Variants in HLF observed in about 807,000 individuals in gnomAD.
HLF encodes the protein hepatic leukemia factor.
HLF carries 3 observed loss-of-function variants against 22.6 expected under a neutral mutation model. That is an observed-to-expected ratio of 0.13 (90% CI 0.06 to 0.34). The LOEUF (loss-of-function observed/expected upper bound fraction) is 0.34, where lower values mean the gene tolerates loss of function less well. HLF is among the 10% of genes least tolerant of loss of function. The probability of loss-of-function intolerance (pLI) is 1.00; values close to 1 mark genes in which losing one functional copy is unlikely to be tolerated. For missense variants in HLF, 299 were observed against 389.2 expected (o/e 0.77, Z 1.95); for synonymous variants, 151 against 151.8 (o/e 0.99, Z 0.04).
intron 2 of HLF, among the ~76,000 whole-genome samples, chr17:55,277,154 T>C (rs1281859935): frequency 2.6e-5 from 4 of 152,134 alleles, no homozygotes; most frequent in Non-Finnish European, 5.9e-5. Context: ...TAAACCCAAC[T>C]CATTAACGTT....
rs562129845 is a variant in HLF at position 55,270,684 on chromosome 17, G to A, written c.451+2598G>A. ...TTTTTTTTTTTTTTTTTTTTGAGAC[G>A]GAGTCTCGCTCTGTCGCCCAGGCTG... is the stretch of plus-strand genomic sequence containing the variant. On this transcript the variant is annotated intron_variant, in intron 2 of 3. Coordinates refer to ENST00000226067, the MANE Select transcript of HLF (RefSeq NM_002126.5). Among the ~76,000 whole-genome samples, 871 of 144,980 alleles carry A rather than the reference G, an allele frequency of 6.0e-3. 5 individuals are homozygous for A. The highest frequency in any genetic ancestry group is 0.021 in the African/African-American group (819 of 38,198).
intron 2 of HLF, among the ~76,000 whole-genome samples, chr17:55,286,820 A>G (rs2081008104): frequency 1.3e-5 from 2 of 152,220 alleles, no homozygotes; most frequent in East Asian, 3.8e-4. Context: ...CAAGACTTAC[A>G]GAAACTTTTC....
chr17:55,299,737 G>A lies in HLF; in HGVS notation c.452-15490G>A, dbSNP rs533319082. 3.3e-5 allele frequency among the ~76,000 whole-genome samples: 5 copies of A among 151,214 alleles called. No individual in the cohort carries two copies. In the East Asian group the frequency reaches 5.8e-4, roughly 18 times the overall value. On this transcript the variant is annotated intron_variant, in intron 2 of 3. Transcript: ENST00000226067. Reference sequence around the variant, plus strand: ...CTACAAGCACGTGCCACCATGCCTCGCTAATTTTTTGAAAAATATTTTTTA... The same window carrying A: ...CTACAAGCACGTGCCACCATGCCTCACTAATTTTTTGAAAAATATTTTTTA...
chr17:55,304,984 G>GT (rs1426116007), intron 2 of HLF, among the ~76,000 whole-genome samples: 1 of 152,246 alleles, frequency 6.6e-6, no homozygotes, highest in Admixed American at 6.5e-5. Flanking sequence ...TCAGGCCAGA[G>GT]TGGGAGCATT....
chr17:55,268,001 G>C lies in HLF; in HGVS notation c.366G>C (p.Ser122=), dbSNP rs375082103. Residue 122 remains serine, a synonymous_variant, in exon 2 of 4, where the codon TCG becomes TCC. Transcript: ENST00000226067. ...AGCCAGCTTCCTCGGCTGCCCCCTCGGTCATGGACCTCAGCAGCCGGGCCT... is the reference window on the plus strand; with the variant it reads ...AGCCAGCTTCCTCGGCTGCCCCCTCCGTCATGGACCTCAGCAGCCGGGCCT... ...GLQPASSAAP[S]VMDLSSRASA... is the part of the protein sequence containing the mutation. The C allele has an allele frequency of 3.1e-6, 5 of 1,613,486 alleles. No individual in the cohort carries two copies. In the African/African-American group the frequency reaches 6.7e-5, roughly 22 times the overall value.
At chr17:55,280,453 C>T (rs372978183) in intron 2 of HLF, among the ~76,000 whole-genome samples, 11 of 152,368 alleles carry the variant, frequency 7.2e-5, no homozygotes, top group East Asian at 3.9e-4. Flanking sequence ...CTTCCATCTC[C>T]ATATGCCCTG....
Position 55,321,860 on chromosome 17 carries a change from G to A in HLF, c.*981G>A. On this transcript the variant is annotated 3_prime_UTR_variant, in exon 4 of 4. Coordinates refer to ENST00000226067, the MANE Select transcript of HLF (RefSeq NM_002126.5). The stretch of plus-strand genomic sequence containing the variant: ...TGACATTGATGTGTTCGGTTTTGTT[G>A]TTCCCCTTCCCTCACACCCTGCCTC... The A allele has an allele frequency of 4.3e-6, 1 of 232,158 alleles. No homozygotes were observed. Among genetic ancestry groups the A allele is most frequent in the East Asian group, 6.1e-5 (1 of 16,300 alleles). 14.4% of individuals were successfully genotyped at this position (232,158 alleles called of 1,614,324 possible).
chr17:55,284,723 G>T (rs1455054000), intron 2 of HLF, among the ~76,000 whole-genome samples: 1 of 152,138 alleles, frequency 6.6e-6, no homozygotes, highest in Admixed American at 6.5e-5. Context: ...TTCCTGAGAG[G>T]TTCAGAAGTT....
At chr17:55,271,503 T>C (rs2080857728) in intron 2 of HLF, 1 of 152,180 alleles carries the variant, frequency 6.6e-6, no homozygotes, top group African/African-American at 2.4e-5. Context: ...TGAGCATTCT[T>C]GTGAATATTT....
At chr17:55,293,248 AT>A (rs1015951226) in intron 2 of HLF, among the ~76,000 whole-genome samples, 9 of 119,960 alleles carry the variant, frequency 7.5e-5, no homozygotes, top group African/African-American at 3.0e-4. Context: ...TAATATATAC[AT>A]TTTTTTAATT....
chr17:55,308,416 A>AT (rs1319585290), intron 2 of HLF, among the ~76,000 whole-genome samples: 5 of 152,210 alleles, frequency 3.3e-5, no homozygotes, highest in Non-Finnish European at 7.4e-5. Flanking sequence ...TATCTAGTTC[A>AT]TTTTTCACAT....
At chr17:55,267,450 A>G (rs2080802969) in intron 1 of HLF, 1 of 273,744 alleles carries the variant, frequency 3.7e-6, no homozygotes, top group East Asian at 6.7e-5. Context: ...GGTTTAAGTT[A>G]TTACTCTTCT....
intron 2 of HLF, among the ~76,000 whole-genome samples, chr17:55,282,259 C>G (rs934693054): frequency 1.3e-5 from 2 of 152,142 alleles, no homozygotes; most frequent in African/African-American, 2.4e-5. Context: ...GTCTTGCTTC[C>G]AGGTTTTTGA....
At chr17:55,316,965 G>GTTTT (rs35293604) in intron 3 of HLF, among the ~76,000 whole-genome samples, 83 of 107,098 alleles carry the variant, frequency 7.7e-4, no homozygotes, top group East Asian at 7.0e-3. Context: ...TTTTTATGGT[G>GTTTT]TTTTTTTTTT....
In HLF at chr17:55,323,938, C is replaced by T. The variant is rs1186082273; in HGVS notation, c.*3059C>T. On this transcript the variant is annotated 3_prime_UTR_variant, in exon 4 of 4. Transcript: ENST00000226067. ...ATTTGGAAGGAACAGCTTAGGACCT[C>T]CTGATGAGGTCACATTGTTGTTTCT... The T allele has an allele frequency of 4.4e-6, 1 of 229,040 alleles. No homozygotes were observed. The highest frequency in any genetic ancestry group is 8.7e-6 in the Non-Finnish European group (1 of 115,544). The allele number at this position is 229,040 out of a possible 1,614,324, so 14.2% of individuals were successfully genotyped here. A position where few individuals can be genotyped will look rare whatever the true frequency, so the allele number is the denominator to read the frequency against.
chr17:55,300,649 T>C (rs1324536584), intron 2 of HLF, among the ~76,000 whole-genome samples: 1 of 152,174 alleles, frequency 6.6e-6, no homozygotes, highest in Non-Finnish European at 1.5e-5. Context: ...TGCTCTCTCC[T>C]CCTCTTTCCC....
chr17:55,269,119 G>A (rs955676780), intron 2 of HLF, among the ~76,000 whole-genome samples: 2 of 152,148 alleles, frequency 1.3e-5, no homozygotes, highest in Non-Finnish European at 2.9e-5. Context: ...CCGTGTCCTC[G>A]ACTCTTGTAG....
intron 3 of HLF, among the ~76,000 whole-genome samples, chr17:55,316,576 A>C (rs562598551): frequency 1.3e-5 from 2 of 152,354 alleles, no homozygotes; most frequent in South Asian, 4.1e-4. Flanking sequence ...GGGACCTTAG[A>C]GATTCATTTG....
intron 3 of HLF, among the ~76,000 whole-genome samples, chr17:55,319,618 C>T (rs571718814): frequency 6.6e-6 from 1 of 152,104 alleles, no homozygotes; most frequent in South Asian, 2.1e-4. Context: ...AAATATTACT[C>T]AGGCTAATTA....
Sources: gnomAD v4.1 joint callset for allele counts (sites outside exome capture counted in the v4.1 genomes callset) on GRCh38, gnomAD v4.1.1 for gene constraint, MANE v1.5 for transcripts, NCBI Gene and HGNC (gene_info 2026-07-23, HGNC 2026-07-21) for gene names.